FXN: variants seen among roughly 807,000 people sequenced by gnomAD.
FXN encodes frataxin, also known as frataxin, mitochondrial.
A neutral mutation model predicts 22.4 loss-of-function variants in FXN; 14 were observed. The observed-to-expected ratio is 0.62, with a 90% CI of 0.41 to 0.98. FXN has a LOEUF of 0.98. Among genes scored for constraint, FXN ranks in the 50% least tolerant of loss-of-function variants. The pLI is 0.00. For synonymous variants in FXN, 120 were observed against 114.1 expected (o/e 1.05, Z -0.33); for missense variants, 267 against 268.4 (o/e 0.99, Z 0.04).
At chr9:69,060,699 G>A (rs559880628) in intron 3 of FXN, among the ~76,000 whole-genome samples, 1 of 152,332 alleles carries the variant, frequency 6.6e-6, no homozygotes, top group African/African-American at 2.4e-5. Flanking sequence ...ACTGGTGGGA[G>A]GAAGTTGAGC....
At position 69,045,226 on chromosome 9, in the gene FXN, G is replaced by A. The variant is rs141801463; in HGVS notation, c.166-1159G>A. Among the ~76,000 whole-genome samples, 341 of 114,508 alleles carry A rather than the reference G, an allele frequency of 3.0e-3. 4 individuals are homozygous for A. The highest frequency in any genetic ancestry group is 9.6e-3 in the African/African-American group (306 of 31,778). The allele number at this position is 114,508 out of a possible 152,430, so 75.1% of individuals were successfully genotyped here. A position where few individuals can be genotyped will look rare whatever the true frequency, so the allele number is the denominator to read the frequency against. On this transcript the variant is annotated intron_variant, in intron 1 of 4. Coordinates refer to ENST00000484259, the MANE Select transcript of FXN (RefSeq NM_000144.5). ...TGTTGGCTAGCCTATTGGAAAACAC[G>A]GGCTTAGAGAGACACAGGGAGAATC...
Position 69,076,295 on chromosome 9 carries a change from TG to T in FXN, c.*3534del, listed in dbSNP as rs1440016012. The T allele has an allele frequency of 1.0e-6, 1 of 985,118 alleles. No homozygotes were observed. Among genetic ancestry groups the T allele is most frequent in the African/African-American group, 1.7e-5 (1 of 57,196 alleles). 61.0% of individuals were successfully genotyped at this position (985,118 alleles called of 1,614,324 possible). A position where few individuals can be genotyped will look rare whatever the true frequency, so the allele number is the denominator to read the frequency against. On this transcript the variant is annotated 3_prime_UTR_variant, in exon 5 of 5. Coordinates refer to ENST00000484259, the MANE Select transcript of FXN (RefSeq NM_000144.5). The stretch of plus-strand genomic sequence containing the variant: ...GCCCACAGGCAAAGCACAATCCTGA[TG>T]TGAGAAGTACTCAGTTCATGACAAC...
At chr9:69,036,417 C>G (rs1375896757) in intron 1 of FXN, among the ~76,000 whole-genome samples, 1 of 152,240 alleles carries the variant, frequency 6.6e-6, no homozygotes, top group African/African-American at 2.4e-5. Context: ...CGGGCGCGCG[C>G]ACACCTAATA....
At position 69,075,452 on chromosome 9, in the gene FXN, T is replaced by G. The variant is rs1344344730; in HGVS notation, c.*2690T>G. 18 of 946,228 alleles carry G rather than the reference T, an allele frequency of 1.9e-5. No homozygotes were observed. Among genetic ancestry groups the G allele is most frequent in the African/African-American group, 7.9e-5 (4 of 50,332 alleles). The allele number at this position is 946,228 out of a possible 1,614,324, so 58.6% of individuals were successfully genotyped here. On this transcript the variant is annotated 3_prime_UTR_variant, in exon 5 of 5. Coordinates refer to ENST00000484259, the MANE Select transcript of FXN (RefSeq NM_000144.5). Reference sequence around the variant, plus strand: ...TCCAGCCTGGCCAACAGAGCCATACTCCGTCTCAAATAAATAAATAAATAA... The same window carrying G: ...TCCAGCCTGGCCAACAGAGCCATACGCCGTCTCAAATAAATAAATAAATAA...
intron 3 of FXN, among the ~76,000 whole-genome samples, chr9:69,056,261 A>AGC (rs1831956861): frequency 6.6e-6 from 1 of 152,196 alleles, no homozygotes. Flanking sequence ...CTCTGGCCAT[A>AGC]ACTGAAAAAC....
In FXN at chr9:69,074,757, TTAA is replaced by T. The variant is rs572288477; in HGVS notation, c.*2002_*2004del. 2.2e-4 allele frequency: 199 copies of T among 887,108 alleles called. 1 individual carries two copies. The African/African-American group carries it at 3.3e-3, about 15-fold the overall frequency. 55.0% of individuals were successfully genotyped at this position (887,108 alleles called of 1,614,324 possible). A position where few individuals can be genotyped will look rare whatever the true frequency, so the allele number is the denominator to read the frequency against. ...TCTTAAAAAAAGAAAAAAAAACCTATTAATAATAAAACAGTATAAACAAAAGCT... is the reference window on the plus strand; with the variant it reads ...TCTTAAAAAAAGAAAAAAAAACCTATTAATAAAACAGTATAAACAAAAGCT... On this transcript the variant is annotated 3_prime_UTR_variant, in exon 5 of 5. Transcript: ENST00000484259.
At chr9:69,045,103 A>C (rs1232844034) in intron 1 of FXN, among the ~76,000 whole-genome samples, 1 of 152,170 alleles carries the variant, frequency 6.6e-6, no homozygotes, top group Non-Finnish European at 1.5e-5. Context: ...ACCACTAGCC[A>C]CATGTGGCCA....
At chr9:69,063,904 G>A (rs1832120145) in intron 3 of FXN, among the ~76,000 whole-genome samples, 1 of 152,124 alleles carries the variant, frequency 6.6e-6, no homozygotes, top group South Asian at 2.1e-4. Context: ...GGCCGGTCTG[G>A]AACTTCTGGG....
At position 69,035,788 on chromosome 9, in the gene FXN, G is replaced by C; in HGVS notation, c.6G>C (p.Trp2Cys). 6.6e-7 allele frequency: 1 copy of C among 1,510,434 alleles called. No homozygotes were observed. Among genetic ancestry groups the C allele is most frequent in the African/African-American group, 1.4e-5 (1 of 70,142 alleles). The allele number at this position is 1,510,434 out of a possible 1,614,324, so 93.6% of individuals were successfully genotyped here. ...GGCGGCAGACCCGGAGCAGCATGTG[G>C]ACTCTCGGGCGCCGCGCAGTAGCCG... M[W>C]TLGRRAVAGL... is the part of the protein sequence containing the mutation. Residue 2 changes from tryptophan to cysteine, a missense_variant, in exon 1 of 5, where the codon TGG (tryptophan) becomes TGC (cysteine). By Grantham distance (215) the Trp-to-Cys change is radical. Transcript: ENST00000484259.
chr9:69,051,022 C>T (rs573982848), intron 2 of FXN, among the ~76,000 whole-genome samples: 58 of 152,180 alleles, frequency 3.8e-4, no homozygotes, highest in Non-Finnish European at 5.3e-4. Context: ...TCAGGTGATC[C>T]GCCCGCCTCG....
Position 69,078,757 on chromosome 9 carries a change from G to A in FXN, c.*5995G>A. 2.0e-6 allele frequency: 2 copies of A among 985,604 alleles called. No homozygotes were observed. Among genetic ancestry groups the A allele is most frequent in the Non-Finnish European group, 2.4e-6 (2 of 830,046 alleles). The allele number at this position is 985,604 out of a possible 1,614,324, so 61.1% of individuals were successfully genotyped here. ...CTTTATTCCCCACATCTCTGCCTGG[G>A]GGGTAGATTCTACCCTGAAAAATGT... On this transcript the variant is annotated 3_prime_UTR_variant, in exon 5 of 5. Transcript: ENST00000484259.
In FXN at chr9:69,053,154, C is replaced by T. The variant is rs778620538; in HGVS notation, c.278C>T (p.Thr93Ile). Residue 93 changes from threonine (T) to isoleucine (I), a missense_variant, in exon 3 of 5, where the codon ACC (threonine) becomes ATC (isoleucine). Physicochemically the swap from Thr to Ile is moderately conservative, Grantham distance 89. Transcript: ENST00000484259. ...TLGHPGSLDE[T>I]TYERLAEETL... ...TTCCTCTGCAGCTCTCTAGATGAGA[C>T]CACCTATGAAAGACTAGCAGAGGAA... 3.7e-6 allele frequency: 6 copies of T among 1,613,860 alleles called. No homozygotes were observed. The highest frequency in any genetic ancestry group is 4.2e-6 in the Non-Finnish European group (5 of 1,179,926).
At chr9:69,045,784 C>A (rs1267095346) in intron 1 of FXN, among the ~76,000 whole-genome samples, 1 of 151,794 alleles carries the variant, frequency 6.6e-6, no homozygotes, top group Non-Finnish European at 1.5e-5. Flanking sequence ...AGTGCTGCTT[C>A]CCCTTGGAAG....
chr9:69,063,058 C>T (rs1382617233), intron 3 of FXN, among the ~76,000 whole-genome samples: 3 of 152,014 alleles, frequency 2.0e-5, no homozygotes, highest in Non-Finnish European at 4.4e-5. Flanking sequence ...TAAAATTAGA[C>T]AGGTGTGGTG....
Position 69,079,009 on chromosome 9 carries a change from A to G in FXN, c.*6247A>G, listed in dbSNP as rs1270416759. Reference sequence around the variant, plus strand: ...CTTGCACACAATTAGAGCTCTATAAATGTCAAATAAATGTGTTATAATTAT... The same window carrying G: ...CTTGCACACAATTAGAGCTCTATAAGTGTCAAATAAATGTGTTATAATTAT... On this transcript the variant is annotated 3_prime_UTR_variant, in exon 5 of 5. Coordinates refer to ENST00000484259, the MANE Select transcript of FXN (RefSeq NM_000144.5). The G allele has an allele frequency of 1.2e-6, 1 of 868,268 alleles. No individual in the cohort carries two copies. Among genetic ancestry groups the G allele is most frequent in the East Asian group, 1.2e-4 (1 of 8,270 alleles). The allele number at this position is 868,268 out of a possible 1,614,324, so 53.8% of individuals were successfully genotyped here.
At position 69,074,352 on chromosome 9, in the gene FXN, A is replaced by T. The variant is rs188279964; in HGVS notation, c.*1590A>T. 1.8e-3 allele frequency: 1,785 copies of T among 985,248 alleles called. 20 individuals carry two copies. The African/African-American group carries it at 0.028, about 16-fold the overall frequency. The allele number at this position is 985,248 out of a possible 1,614,324, so 61.0% of individuals were successfully genotyped here. A position where few individuals can be genotyped will look rare whatever the true frequency, so the allele number is the denominator to read the frequency against. Reference sequence around the variant, plus strand: ...ATTCATGCAAAGTTATGCTCATGTTATATTATTTTCTTACTTAAAGAAGGA... The same window carrying T: ...ATTCATGCAAAGTTATGCTCATGTTTTATTATTTTCTTACTTAAAGAAGGA... On this transcript the variant is annotated 3_prime_UTR_variant, in exon 5 of 5. Transcript: ENST00000484259.
intron 3 of FXN, among the ~76,000 whole-genome samples, chr9:69,056,350 T>G (rs933388124): frequency 6.6e-6 from 1 of 152,214 alleles, no homozygotes; most frequent in African/African-American, 2.4e-5. Flanking sequence ...CAACAGATTA[T>G]GGGAGGATCT....
rs374835348 is a variant in FXN at position 69,078,995 on chromosome 9, T to C, written c.*6233T>C. The C allele has an allele frequency of 1.1e-6, 1 of 869,902 alleles. No homozygotes were observed. Among genetic ancestry groups the C allele is most frequent in the Non-Finnish European group, 1.4e-6 (1 of 724,808 alleles). 53.9% of individuals were successfully genotyped at this position (869,902 alleles called of 1,614,324 possible). ...ATCTTGCACAGTTCCTTGCACACAATTAGAGCTCTATAAATGTCAAATAAA... is the reference window on the plus strand; with the variant it reads ...ATCTTGCACAGTTCCTTGCACACAACTAGAGCTCTATAAATGTCAAATAAA... On this transcript the variant is annotated 3_prime_UTR_variant, in exon 5 of 5. Transcript: ENST00000484259.
intron 4 of FXN, 46 bp from the exon 5 acceptor site, chr9:69,072,566 G>A (rs1458997498): frequency 1.2e-6 from 2 of 1,612,956 alleles, no homozygotes; most frequent in Admixed American, 1.7e-5. Context: ...TGGTTCATCT[G>A]AAGGGCTGTG....
Sources: gnomAD v4.1 joint callset for allele counts (sites outside exome capture counted in the v4.1 genomes callset) on GRCh38, gnomAD v4.1.1 for gene constraint, MANE v1.5 for transcripts, NCBI Gene and HGNC (gene_info 2026-07-23, HGNC 2026-07-21) for gene names.